Variants in PLD5 observed in about 807,000 individuals in gnomAD.
The protein encoded by PLD5 is inactive phospholipase D5.
PLD5 carries 36 observed loss-of-function variants against 61.1 expected under a neutral mutation model. That is an observed-to-expected ratio of 0.59 (90% confidence interval 0.45 to 0.78). The LOEUF (loss-of-function observed/expected upper bound fraction) is 0.78. Ranked by LOEUF, PLD5 falls within the 30% of genes least tolerant of loss-of-function variation. PLD5 has a pLI of 0.00. For missense variants in PLD5, 515 were observed against 644.4 expected, an observed-to-expected ratio of 0.80 and a Z score of 2.17; for synonymous variants, 243 against 242.8, an observed-to-expected ratio of 1.00 and a Z score of -0.01.
At chr1:242,523,087 G>A (rs1558168235) in intron 1 of PLD5, among the ~76,000 whole-genome samples, 1 of 152,140 alleles carries the variant, frequency 6.6e-6, no homozygotes, top group Non-Finnish European at 1.5e-5. Context: ...TTGGAAATGC[G>A]TGAGTTCCAG....
intron 6 of PLD5, among the ~76,000 whole-genome samples, chr1:242,122,858 G>T (rs1211469477): frequency 1.3e-5 from 2 of 152,114 alleles, no homozygotes; most frequent in African/African-American, 4.8e-5. Context: ...AGGCAAAAAG[G>T]ATACAATTCA....
chr1:242,269,903 C>G (rs1160252457), intron 3 of PLD5, among the ~76,000 whole-genome samples: 1 of 152,110 alleles, frequency 6.6e-6, no homozygotes, highest in East Asian at 1.9e-4. Context: ...TCAAAATAAT[C>G]CATATGCCAA....
rs61247458 is a variant in PLD5, at chr1:242,407,239, G to T, written c.190-58997C>A. Among the ~76,000 whole-genome samples the T allele has an allele frequency of 4.7e-3, 715 of 151,520 alleles. 5 individuals are homozygous for T. Among genetic ancestry groups the T allele is most frequent in the African/African-American group, 0.017 (683 of 41,170 alleles). On this transcript the variant is annotated intron_variant, in intron 1 of 9. Coordinates refer to ENST00000536534, the MANE Select transcript of PLD5 (RefSeq NM_001372062.1). ...TGACTTTGCTCCTCCTTCATTTTCC[G>T]TCACGATGGTGAGGCCTCCCCTCAG...
intron 1 of PLD5, among the ~76,000 whole-genome samples, chr1:242,479,453 A>C (rs1667700053): frequency 6.6e-6 from 1 of 152,220 alleles, no homozygotes; most frequent in South Asian, 2.1e-4. Context: ...TACATGATTT[A>C]GGATAATCTA....
Position 242,263,259 on chromosome 1 carries a change from A to G in PLD5, c.607+2078T>C, listed in dbSNP as rs568163767. ...AGTTTCTATATTCAGTAACTCTTGC[A>G]GCTGAAATTGCTCATGGCTTATTTT... On this transcript the variant is annotated intron_variant, in intron 4 of 9. Transcript: ENST00000536534. Among the ~76,000 whole-genome samples the G allele has an allele frequency of 1.8e-3, 270 of 151,712 alleles. 1 individual carries two copies. Among genetic ancestry groups the G allele is most frequent in the African/African-American group, 6.2e-3 (256 of 41,258 alleles).
intron 3 of PLD5, among the ~76,000 whole-genome samples, chr1:242,272,290 A>G (rs1337105344): frequency 2.6e-5 from 4 of 152,234 alleles, no homozygotes. Context: ...TGCAATTAAT[A>G]CACTATCACA....
chr1:242,171,022 T>C (rs893528676), intron 5 of PLD5, among the ~76,000 whole-genome samples: 2 of 151,976 alleles, frequency 1.3e-5, no homozygotes, highest in African/African-American at 4.8e-5. Flanking sequence ...ACATTCAAAT[T>C]TAGGAAATAC....
intron 4 of PLD5, among the ~76,000 whole-genome samples, chr1:242,241,908 T>TATAC (rs1553334436): frequency 8.8e-4 from 38 of 43,198 alleles, no homozygotes; most frequent in Non-Finnish European, 1.4e-3. Flanking sequence ...TATATATATA[T>TATAC]ATACTTACTG....
intron 5 of PLD5, among the ~76,000 whole-genome samples, chr1:242,215,615 C>G (rs1377855621): frequency 6.6e-6 from 1 of 152,106 alleles, no homozygotes. Flanking sequence ...TGCTTCCACA[C>G]CCCCTCGGGT....
chr1:242,269,383 T>C (rs533620506), intron 3 of PLD5, among the ~76,000 whole-genome samples: 6 of 151,474 alleles, frequency 4.0e-5, no homozygotes, highest in Admixed American at 2.6e-4. Flanking sequence ...ACCCCCAAAA[T>C]AGAGATCCAG....
At chr1:242,324,748 T>C (rs552901617) in intron 2 of PLD5, among the ~76,000 whole-genome samples, 1 of 152,220 alleles carries the variant, frequency 6.6e-6, no homozygotes, top group East Asian at 1.9e-4. Flanking sequence ...AAACCTAAGA[T>C]TGATGTTTGA....
intron 5 of PLD5, among the ~76,000 whole-genome samples, chr1:242,166,208 CAAG>C (rs1228465024): frequency 1.3e-5 from 2 of 152,204 alleles, no homozygotes; most frequent in Non-Finnish European, 2.9e-5. Context: ...ATGGGTCAGA[CAAG>C]AGCCACAAGG....
chr1:242,143,248 T>C (rs1490610190), intron 5 of PLD5, among the ~76,000 whole-genome samples: 1 of 152,118 alleles, frequency 6.6e-6, no homozygotes, highest in Non-Finnish European at 1.5e-5. Context: ...AGGTGGGATT[T>C]CACCATACTG....
At chr1:242,296,080 A>G (rs7517543) in intron 2 of PLD5, among the ~76,000 whole-genome samples, 17,921 of 152,152 alleles carry the variant, frequency 0.12, 1,287 homozygotes, top group East Asian at 0.28. Context: ...AAAAAAGGTT[A>G]TTACAAAGAT....
intron 4 of PLD5, among the ~76,000 whole-genome samples, chr1:242,257,319 T>A (rs1673125001): frequency 6.6e-6 from 1 of 152,146 alleles, no homozygotes; most frequent in Non-Finnish European, 1.5e-5. Flanking sequence ...GTTTAATCAC[T>A]TATAGGTCTG....
intron 6 of PLD5, among the ~76,000 whole-genome samples, chr1:242,123,770 T>G (rs1429801469): frequency 6.6e-6 from 1 of 152,254 alleles, no homozygotes; most frequent in African/African-American, 2.4e-5. Flanking sequence ...GTTTGAGGAC[T>G]AGGACTGTAG....
At chr1:242,395,993 A>C (rs918414216) in intron 1 of PLD5, among the ~76,000 whole-genome samples, 5 of 152,188 alleles carry the variant, frequency 3.3e-5, no homozygotes, top group Admixed American at 6.5e-5. Flanking sequence ...GGTTGCAGTG[A>C]GGCGAGATTG....
rs1016603138 is a variant in PLD5, at chr1:242,086,804, A to T, written c.*3050T>A. 2 of 152,224 alleles carry T rather than the reference A, an allele frequency of 1.3e-5. No homozygotes were observed. The highest frequency in any genetic ancestry group is 3.8e-4 in the East Asian group (2 of 5,196). 9.4% of individuals were successfully genotyped at this position (152,224 alleles called of 1,614,324 possible). On this transcript the variant is annotated 3_prime_UTR_variant, in exon 10 of 10. Coordinates refer to ENST00000536534, the MANE Select transcript of PLD5 (RefSeq NM_001372062.1). ...TTAGTGGTACTGAAATCCAAGATAT[A>T]GTCTCTAATTGTGTTTGTTTTCCTT...
chr1:242,249,041 G>T (rs71498889), intron 4 of PLD5, among the ~76,000 whole-genome samples: 1 of 152,118 alleles, frequency 6.6e-6, no homozygotes, highest in Non-Finnish European at 1.5e-5. Flanking sequence ...CCAGCTACTC[G>T]GGAGGCAGAG....
Sources: allele counts gnomAD v4.1 joint callset (sites outside exome capture counted in the v4.1 genomes callset), GRCh38; gene constraint gnomAD v4.1.1; transcripts MANE v1.5; gene names NCBI Gene and HGNC (gene_info 2026-07-23, HGNC 2026-07-21).